Variants in SGPL1 observed in about 807,000 individuals in gnomAD.
SGPL1 encodes SP-lyase 1.
SGPL1 carries 37 observed loss-of-function variants against 68.9 expected under a neutral mutation model. The ratio of observed to expected loss-of-function variants is 0.54; its 90% CI spans 0.41 to 0.71. The LOEUF (loss-of-function observed/expected upper bound fraction) is 0.71. SGPL1 is among the 30% of genes least tolerant of loss of function. The probability of loss-of-function intolerance (pLI) is 0.00; values close to 1 mark genes in which losing one functional copy is unlikely to be tolerated. For missense variants in SGPL1, 551 were observed against 704.6 expected (o/e 0.78, Z 2.47); for synonymous variants, 236 against 248.5 (o/e 0.95, Z 0.47).
chr10:70,832,793 G>A (rs558593388), intron 2 of SGPL1, among the ~76,000 whole-genome samples: 13 of 152,180 alleles, frequency 8.5e-5, no homozygotes, highest in Admixed American at 2.0e-4. Context: ...TTACCTACTT[G>A]CCTTAGGCTG....
chr10:70,852,736 A>ACG (rs1469210065), intron 4 of SGPL1, among the ~76,000 whole-genome samples: 6,306 of 151,374 alleles, frequency 0.042, 198 homozygotes, highest in Non-Finnish European at 0.062. Context: ...GTGCGCGCGC[A>ACG]CGCGTGTGTG....
At position 70,835,750 on chromosome 10, in the gene SGPL1, A is replaced by G. The variant is rs1042206921; in HGVS notation, c.28-8723A>G. Among the ~76,000 whole-genome samples, 5 of 151,798 alleles carry G rather than the reference A, an allele frequency of 3.3e-5. 1 individual carries two copies. Among genetic ancestry groups the G allele is most frequent in the African/African-American group, 1.2e-4 (5 of 41,334 alleles). On this transcript the variant is annotated intron_variant, in intron 2 of 14. Transcript: ENST00000373202. ...GACTCCGTCTCAAAAAAAAAAAAAA[A>G]AAAGAAATGCCAAGAAGACATTGTA...
At chr10:70,859,553 G>A in intron 7 of SGPL1, 54 bp downstream of exon 7, 1 of 1,071,052 alleles carries the variant, frequency 9.3e-7, no homozygotes, top group Non-Finnish European at 1.2e-6. Flanking sequence ...TAAAATAGAA[G>A]AGTTTTTAAT....
intron 10 of SGPL1, among the ~76,000 whole-genome samples, chr10:70,871,359 CTG>C (rs879606810): frequency 1.2e-4 from 19 of 152,170 alleles, no homozygotes; most frequent in Non-Finnish European, 2.8e-4. Flanking sequence ...TAGTACAAGG[CTG>C]AGGCCTTTTA....
rs1846445696 is a variant in SGPL1 at position 70,878,825 on chromosome 10, G to A, written c.*1490G>A. 1 of 152,376 alleles carries A rather than the reference G, an allele frequency of 6.6e-6. No homozygotes were observed. The highest frequency in any genetic ancestry group is 6.5e-5 in the Admixed American group (1 of 15,284). 9.4% of individuals were successfully genotyped at this position (152,376 alleles called of 1,614,324 possible). A position where few individuals can be genotyped will look rare whatever the true frequency, so the allele number is the denominator to read the frequency against. On this transcript the variant is annotated 3_prime_UTR_variant, in exon 15 of 15. Coordinates refer to ENST00000373202, the MANE Select transcript of SGPL1 (RefSeq NM_003901.4). ...CAGGTGCTGAACATTTCTCAGCCCT[G>A]GCTAAAAGGGAGCAGCACAGGGAGA...
At chr10:70,825,608 G>A (rs1169915253) in intron 2 of SGPL1, among the ~76,000 whole-genome samples, 1 of 152,200 alleles carries the variant, frequency 6.6e-6, no homozygotes, top group African/African-American at 2.4e-5. Flanking sequence ...AAGCTGCTTT[G>A]TTCCAGTAGT....
At chr10:70,831,094 T>C (rs1845527115) in intron 2 of SGPL1, among the ~76,000 whole-genome samples, 1 of 152,172 alleles carries the variant, frequency 6.6e-6, no homozygotes. Context: ...TGCACTGCTA[T>C]CAGTTATCTA....
chr10:70,853,801 C>T (rs1196130142), intron 4 of SGPL1, among the ~76,000 whole-genome samples: 1 of 152,222 alleles, frequency 6.6e-6, no homozygotes, highest in Non-Finnish European at 1.5e-5. Flanking sequence ...ATTTTGGGGT[C>T]AGACAGTGCA....
chr10:70,877,273 T>G lies in SGPL1; in HGVS notation c.1645T>G (p.Leu549Val), dbSNP rs933220020. Residue 549 changes from leucine (L) to valine (V), a missense_variant, in exon 15 of 15, where the codon TTG becomes GTG. Coordinates refer to ENST00000373202, the MANE Select transcript of SGPL1 (RefSeq NM_003901.4). ...AELSSVFLDS[L>V]YSTDTVTQGS... ...ATTGTCCTCAGTCTTCTTGGACAGC[T>G]TGTACAGCACCGACACTGTCACCCA... 6.2e-6 allele frequency: 10 copies of G among 1,614,070 alleles called. No individual in the cohort carries two copies. The highest frequency in any genetic ancestry group is 8.5e-6 in the Non-Finnish European group (10 of 1,180,008).
intron 2 of SGPL1, among the ~76,000 whole-genome samples, chr10:70,832,040 T>C (rs1845548740): frequency 1.3e-5 from 2 of 152,094 alleles, no homozygotes; most frequent in Non-Finnish European, 2.9e-5. Flanking sequence ...GCTATGGGGG[T>C]TATGAACCAG....
intron 8 of SGPL1, among the ~76,000 whole-genome samples, chr10:70,868,766 A>G (rs1021105745): frequency 7.9e-5 from 12 of 151,984 alleles, no homozygotes; most frequent in African/African-American, 2.9e-4. Flanking sequence ...AATTATTTGG[A>G]GCCTAAAGAA....
At chr10:70,864,934 T>C (rs1167105367) in intron 7 of SGPL1, among the ~76,000 whole-genome samples, 2 of 152,246 alleles carry the variant, frequency 1.3e-5, no homozygotes, top group East Asian at 1.9e-4. Context: ...AGAGATAATA[T>C]ACCCTTTGAG....
At chr10:70,875,962 T>A (rs1846377525) in intron 13 of SGPL1, among the ~76,000 whole-genome samples, 1 of 152,222 alleles carries the variant, frequency 6.6e-6, no homozygotes. Flanking sequence ...TAACCTAATC[T>A]TCCATGATGC....
intron 3 of SGPL1, among the ~76,000 whole-genome samples, chr10:70,849,048 C>G (rs565679250): frequency 1.3e-5 from 2 of 152,120 alleles, no homozygotes; most frequent in East Asian, 3.9e-4. Context: ...GTTTCTTCAT[C>G]TCTGATGCTG....
intron 2 of SGPL1, among the ~76,000 whole-genome samples, chr10:70,843,235 ATTTG>A (rs957869374): frequency 8.6e-5 from 13 of 151,168 alleles, no homozygotes; most frequent in African/African-American, 3.2e-4. Flanking sequence ...AGTTTTCGTG[ATTTG>A]TTTGTATATG....
intron 3 of SGPL1, 32 bp downstream of exon 3, chr10:70,844,670 G>A: frequency 1.9e-6 from 3 of 1,594,266 alleles, no homozygotes; most frequent in Non-Finnish European, 2.6e-6. Flanking sequence ...TAAAGGTATA[G>A]TGGTGTGTCA....
At chr10:70,860,224 C>T (rs1846028056) in intron 7 of SGPL1, among the ~76,000 whole-genome samples, 1 of 152,128 alleles carries the variant, frequency 6.6e-6, no homozygotes, top group Non-Finnish European at 1.5e-5. Context: ...AACGAAATCT[C>T]AGGTTATGTA....
chr10:70,874,964 T>C (rs1303170458), intron 12 of SGPL1, among the ~76,000 whole-genome samples: 1 of 152,216 alleles, frequency 6.6e-6, no homozygotes, highest in Non-Finnish European at 1.5e-5. Flanking sequence ...CTCCTATAGC[T>C]CTGATAGGGC....
chr10:70,835,735 CAAAAA>C lies in SGPL1; in HGVS notation c.28-8724_28-8720del, dbSNP rs66962270. 9.9e-3 allele frequency among the ~76,000 whole-genome samples: 694 copies of C among 70,148 alleles called. 8 individuals carry two copies. Among genetic ancestry groups the C allele is most frequent in the African/African-American group, 0.037 (622 of 16,812 alleles). 46.0% of individuals were successfully genotyped at this position (70,148 alleles called of 152,430 possible). A position where few individuals can be genotyped will look rare whatever the true frequency, so the allele number is the denominator to read the frequency against. On this transcript the variant is annotated intron_variant, in intron 2 of 14. Transcript: ENST00000373202. ...TGGGTGACAGAGCAAGACTCCGTCT[CAAAAA>C]AAAAAAAAAAAAAGAAATGCCAAGA...
Sources: gnomAD v4.1 joint callset for allele counts (sites outside exome capture counted in the v4.1 genomes callset) on GRCh38, gnomAD v4.1.1 for gene constraint, MANE v1.5 for transcripts, NCBI Gene and HGNC (gene_info 2026-07-23, HGNC 2026-07-21) for gene names.